NFIB: variants seen among roughly 807,000 people sequenced by gnomAD.
NFIB encodes nuclear factor 1 B-type.
NFIB carries 11 observed loss-of-function variants against 61.5 expected under a neutral mutation model. That is an observed-to-expected ratio of 0.18 (90% CI 0.11 to 0.30). The LOEUF (loss-of-function observed/expected upper bound fraction) is 0.30, where lower values mean the gene tolerates loss of function less well. NFIB is among the 10% of genes least tolerant of loss of function. The pLI is 1.00. For synonymous variants in NFIB, 260 were observed against 216.5 expected, an observed-to-expected ratio of 1.20 and a Z score of -1.76; for missense variants, 471 against 608.9, an observed-to-expected ratio of 0.77 and a Z score of 2.38.
chr9:14,109,709 T>A (rs1360921548), intron 10 of NFIB, among the ~76,000 whole-genome samples: 1 of 152,142 alleles, frequency 6.6e-6, no homozygotes, highest in Non-Finnish European at 1.5e-5. Flanking sequence ...AGTCAAATAC[T>A]GATCAGCTGG....
rs554027637 is a variant in NFIB at position 14,237,948 on chromosome 9, A to G, written c.563-58168T>C. On this transcript the variant is annotated intron_variant, in intron 2 of 10. Coordinates refer to ENST00000380953, the MANE Select transcript of NFIB (RefSeq NM_001190737.2). ...GCAGATTATCAAAGTCCTAACCCAC[A>G]TGAGGCTTACGGTCTAGGAGGGGTA... is the stretch of plus-strand genomic sequence containing the variant. Among the ~76,000 whole-genome samples the G allele has an allele frequency of 2.5e-4, 38 of 150,828 alleles. No individual in the cohort carries two copies. The South Asian group carries it at 7.6e-3, about 30-fold the overall frequency.
chr9:14,453,605 G>C, the NFIB span, among the ~76,000 whole-genome samples: 1 of 152,102 alleles, frequency 6.6e-6, no homozygotes, highest in African/African-American at 2.4e-5. Flanking sequence ...ATCATTATTA[G>C]TTTACTCATT....
chr9:14,480,142 T>C, the NFIB span, among the ~76,000 whole-genome samples: 1 of 151,934 alleles, frequency 6.6e-6, no homozygotes, highest in Non-Finnish European at 1.5e-5. Context: ...CCTCTTCAAT[T>C]TTTCAGATAT....
chr9:14,400,899 GC>G (rs2061736466), upstream of NFIB, among the ~76,000 whole-genome samples: 4 of 152,322 alleles, frequency 2.6e-5, no homozygotes, highest in South Asian at 8.3e-4. Flanking sequence ...CTTGGCAAAG[GC>G]CTTTCTGGTG....
At chr9:14,112,637 C>A (rs536768283) in intron 10 of NFIB, among the ~76,000 whole-genome samples, 1 of 152,316 alleles carries the variant, frequency 6.6e-6, no homozygotes, top group Non-Finnish European at 1.5e-5. Flanking sequence ...GAATTATATA[C>A]TGCTTCTATT....
At chr9:14,198,003 G>A (rs1354883418) in intron 2 of NFIB, among the ~76,000 whole-genome samples, 2 of 152,164 alleles carry the variant, frequency 1.3e-5, no homozygotes, top group South Asian at 2.1e-4. Context: ...TTGGGGCTAC[G>A]TTGAACTTTC....
At chr9:14,202,265 G>C (rs1318681821) in intron 2 of NFIB, among the ~76,000 whole-genome samples, 3 of 152,096 alleles carry the variant, frequency 2.0e-5, no homozygotes, top group African/African-American at 7.2e-5. Context: ...TTGTTTAGCT[G>C]TGATAAGCAG....
chr9:14,498,544 A>T, the NFIB span, among the ~76,000 whole-genome samples: 4 of 152,226 alleles, frequency 2.6e-5, no homozygotes, highest in Non-Finnish European at 5.9e-5. Context: ...CTCGAGAACA[A>T]CATCACATGA....
intron 7 of NFIB, among the ~76,000 whole-genome samples, chr9:14,124,912 T>C (rs550437531): frequency 1.3e-5 from 2 of 152,336 alleles, no homozygotes; most frequent in East Asian, 3.9e-4. Context: ...AATATTGATT[T>C]ATATGTAGAA....
intron 2 of NFIB, among the ~76,000 whole-genome samples, chr9:14,180,330 AT>A (rs776158272): frequency 1.4e-4 from 22 of 152,292 alleles, no homozygotes; most frequent in East Asian, 1.9e-4. Flanking sequence ...ATAGCAATCG[AT>A]TTGCAAACAG....
chr9:14,493,042 A>G, the NFIB span, among the ~76,000 whole-genome samples: 2 of 152,194 alleles, frequency 1.3e-5, no homozygotes, highest in African/African-American at 4.8e-5. Context: ...TCTAAATGGT[A>G]GCAGTGATTA....
intron 2 of NFIB, among the ~76,000 whole-genome samples, chr9:14,254,235 A>G (rs2055967792): frequency 6.6e-6 from 1 of 152,060 alleles, no homozygotes; most frequent in South Asian, 2.1e-4. Context: ...TGGGAGGTAG[A>G]GGTTGCAGCG....
At chr9:14,306,120 G>A (rs13298910) in intron 2 of NFIB, 23,126 of 409,308 alleles carry the variant, frequency 0.057, 1,954 homozygotes, top group African/African-American at 0.26. Flanking sequence ...TAGGTAAAAT[G>A]TATACCATTC....
At chr9:14,373,758 G>C (rs1482921102) in intron 1 of NFIB, among the ~76,000 whole-genome samples, 1 of 151,940 alleles carries the variant, frequency 6.6e-6, no homozygotes, top group Admixed American at 6.6e-5. Context: ...GTTGGAATAA[G>C]ATTTGGCAGG....
chr9:14,306,688 T>C (rs1326609947), intron 2 of NFIB, among the ~76,000 whole-genome samples: 1 of 152,220 alleles, frequency 6.6e-6, no homozygotes, highest in Non-Finnish European at 1.5e-5. Flanking sequence ...TAATGAACTA[T>C]ATTTGTTAGA....
intron 2 of NFIB, among the ~76,000 whole-genome samples, chr9:14,196,479 C>T (rs182607037): frequency 6.6e-6 from 1 of 152,134 alleles, no homozygotes; most frequent in African/African-American, 2.4e-5. Flanking sequence ...GCTGCCACCC[C>T]CTACTCTCCC....
At chr9:14,347,567 G>C (rs960190953) in intron 1 of NFIB, among the ~76,000 whole-genome samples, 1 of 138,808 alleles carries the variant, frequency 7.2e-6, no homozygotes, top group African/African-American at 2.7e-5. Flanking sequence ...TGGAGGGAGT[G>C]AGCTGGGTGC....
chr9:14,294,841 G>T (rs1055724817), intron 2 of NFIB, among the ~76,000 whole-genome samples: 2 of 152,138 alleles, frequency 1.3e-5, no homozygotes, highest in Non-Finnish European at 2.9e-5. Flanking sequence ...AATTTTCCTA[G>T]TAGGGATTGT....
At chr9:14,475,804 A>G in the NFIB span, among the ~76,000 whole-genome samples, 1 of 152,126 alleles carries the variant, frequency 6.6e-6, no homozygotes, top group Non-Finnish European at 1.5e-5. Context: ...CACAAAATTT[A>G]TGGTTTTTAC....
Sources: gnomAD v4.1 joint callset for allele counts (sites outside exome capture counted in the v4.1 genomes callset) on GRCh38, gnomAD v4.1.1 for gene constraint, MANE v1.5 for transcripts, NCBI Gene and HGNC (gene_info 2026-07-23, HGNC 2026-07-21) for gene names.